Variants in STK32B observed in about 807,000 individuals in gnomAD.
STK32B encodes the protein serine/threonine kinase 32B.
Under a neutral mutation model 52.6 loss-of-function variants are expected in STK32B, and 43 were observed. The ratio of observed to expected loss-of-function variants is 0.82; its 90% CI spans 0.64 to 1.05. The LOEUF is 1.05. Ranked by LOEUF, STK32B falls within the 50% of genes least tolerant of loss-of-function variation. The pLI is 0.00. For synonymous variants in STK32B, 238 were observed against 204.3 expected (o/e 1.17, Z -1.41); for missense variants, 621 against 534.6 (o/e 1.16, Z -1.59).
At chr4:5,169,354 C>T (rs965239871) in intron 3 of STK32B, among the ~76,000 whole-genome samples, 4 of 152,018 alleles carry the variant, frequency 2.6e-5, no homozygotes, top group African/African-American at 4.8e-5. Context: ...GAGGACAGGC[C>T]GCTTTAGGAA....
intron 2 of STK32B, among the ~76,000 whole-genome samples, chr4:5,145,733 A>C (rs528156665): frequency 1.3e-5 from 2 of 152,196 alleles, no homozygotes; most frequent in African/African-American, 4.8e-5. Context: ...TGTGGGATAC[A>C]TATCTGGATA....
At chr4:5,429,998 A>C (rs1433176536) in intron 6 of STK32B, among the ~76,000 whole-genome samples, 2 of 151,656 alleles carry the variant, frequency 1.3e-5, no homozygotes, top group Non-Finnish European at 1.5e-5. Flanking sequence ...CCTTCAGCTG[A>C]CTCCAAGATT....
Position 5,252,432 on chromosome 4 carries a change from A to G in STK32B, c.261-78788A>G, listed in dbSNP as rs28402087. Among the ~76,000 whole-genome samples, 336 of 152,338 alleles carry G rather than the reference A, an allele frequency of 2.2e-3. 1 individual carries two copies. Among genetic ancestry groups the G allele is most frequent in the Non-Finnish European group, 3.7e-3 (253 of 68,030 alleles). ...TGTTCCCATTGAAAGAAGCTGGACC[A>G]TCAGTGGCACCCATTGGAAATGATT... On this transcript the variant is annotated intron_variant, in intron 3 of 11. Coordinates refer to ENST00000282908, the MANE Select transcript of STK32B (RefSeq NM_018401.3).
chr4:5,081,505 G>C (rs1253563572), intron 1 of STK32B, among the ~76,000 whole-genome samples: 1 of 151,930 alleles, frequency 6.6e-6, no homozygotes, highest in Non-Finnish European at 1.5e-5. Context: ...TATTCCCATA[G>C]TCCATCTATT....
chr4:5,178,469 C>T (rs1159047737), intron 3 of STK32B, among the ~76,000 whole-genome samples: 1 of 152,210 alleles, frequency 6.6e-6, no homozygotes, highest in Non-Finnish European at 1.5e-5. Context: ...GACATTTTCC[C>T]CATTGTCTTG....
intron 3 of STK32B, among the ~76,000 whole-genome samples, chr4:5,263,396 T>A (rs1726856225): frequency 6.6e-6 from 1 of 152,178 alleles, no homozygotes; most frequent in Non-Finnish European, 1.5e-5. Context: ...TGTCATCCCA[T>A]GTGTTCCCAT....
chr4:5,474,300 C>T (rs1259256958), intron 11 of STK32B, among the ~76,000 whole-genome samples: 2 of 152,106 alleles, frequency 1.3e-5, no homozygotes, highest in Non-Finnish European at 2.9e-5. Flanking sequence ...ATCTGATGGG[C>T]CTGGGTCAAG....
rs1228362253 is a variant in STK32B, at chr4:5,311,915, T to TATATATATATATATATATATATA, written c.261-19305_261-19304insATATATATATATATATATATATA. Reference sequence around the variant, plus strand: ...AAGTGCATACTTTTATATATATATATTTTTTTTTAAAGTTTATTCTTATTT... The same window carrying TATATATATATATATATATATATA: ...AAGTGCATACTTTTATATATATATATATATATATATATATATATATATATTTTTTTTAAAGTTTATTCTTATTT... On this transcript the variant is annotated intron_variant, in intron 3 of 11. Coordinates refer to ENST00000282908, the MANE Select transcript of STK32B (RefSeq NM_018401.3). Among the ~76,000 whole-genome samples the TATATATATATATATATATATATA allele has an allele frequency of 4.9e-3, 666 of 135,194 alleles. 1 individual carries two copies. Among genetic ancestry groups the TATATATATATATATATATATATA allele is most frequent in the South Asian group, 0.014 (62 of 4,534 alleles). 88.7% of individuals were successfully genotyped at this position (135,194 alleles called of 152,430 possible).
intron 1 of STK32B, among the ~76,000 whole-genome samples, chr4:5,097,110 A>G (rs1192665714): frequency 1.3e-5 from 2 of 152,220 alleles, no homozygotes; most frequent in Non-Finnish European, 2.9e-5. Context: ...CTATTGCTTT[A>G]TGAACGTGAA....
chr4:5,245,008 A>G lies in STK32B; in HGVS notation c.260+76558A>G, dbSNP rs561002900. 5.3e-5 allele frequency among the ~76,000 whole-genome samples: 8 copies of G among 152,264 alleles called. No homozygotes were observed. In the South Asian group the frequency reaches 1.5e-3, roughly 28 times the overall value. On this transcript the variant is annotated intron_variant, in intron 3 of 11. Coordinates refer to ENST00000282908, the MANE Select transcript of STK32B (RefSeq NM_018401.3). ...TGCTTTACTTCCAACTATGTGGTCA[A>G]TTTTGGAATAGGTGTGGTGCTGAAA...
At chr4:5,070,296 A>ATGT (rs1208693100) in intron 1 of STK32B, among the ~76,000 whole-genome samples, 3 of 152,046 alleles carry the variant, frequency 2.0e-5, no homozygotes, top group Non-Finnish European at 4.4e-5. Context: ...TCCTCTTGTC[A>ATGT]TGTTGTTGCT....
chr4:5,385,550 A>G (rs1266315207), intron 4 of STK32B, among the ~76,000 whole-genome samples: 4 of 152,028 alleles, frequency 2.6e-5, no homozygotes, highest in Non-Finnish European at 4.4e-5. Flanking sequence ...GAGGCCAGGC[A>G]TGCTCCGGCA....
At chr4:5,122,138 A>G (rs2108811881) in intron 1 of STK32B, among the ~76,000 whole-genome samples, 1 of 151,136 alleles carries the variant, frequency 6.6e-6, no homozygotes, top group South Asian at 2.1e-4. Context: ...TGTTTCACTC[A>G]CACACTCATT....
At chr4:5,173,881 T>C (rs992794129) in intron 3 of STK32B, among the ~76,000 whole-genome samples, 3 of 152,214 alleles carry the variant, frequency 2.0e-5, no homozygotes, top group Admixed American at 1.3e-4. Flanking sequence ...GTCTCATTGA[T>C]CTGTCTAATG....
intron 3 of STK32B, among the ~76,000 whole-genome samples, chr4:5,317,152 T>C (rs1445254951): frequency 2.5e-5 from 1 of 39,994 alleles, no homozygotes; most frequent in Non-Finnish European, 3.5e-5. Context: ...ATGTATAATA[T>C]ACATATTACA....
intron 3 of STK32B, among the ~76,000 whole-genome samples, chr4:5,210,541 T>C (rs761896446): frequency 1.3e-5 from 2 of 152,194 alleles, no homozygotes; most frequent in Non-Finnish European, 2.9e-5. Flanking sequence ...TGTCCTCTTA[T>C]GGTGTGCATT....
chr4:5,421,091 G>C (rs1042413555), intron 6 of STK32B, among the ~76,000 whole-genome samples: 8 of 149,604 alleles, frequency 5.3e-5, no homozygotes, highest in Non-Finnish European at 1.5e-5. Context: ...TTTTGTTTTT[G>C]TTTTTGTTTT....
chr4:5,227,497 T>C (rs1723958762), intron 3 of STK32B, among the ~76,000 whole-genome samples: 1 of 152,232 alleles, frequency 6.6e-6, no homozygotes, highest in African/African-American at 2.4e-5. Flanking sequence ...GTCTAATTCA[T>C]ATGAGACACA....
intron 3 of STK32B, among the ~76,000 whole-genome samples, chr4:5,324,963 A>C (rs1401257075): frequency 6.6e-6 from 1 of 152,162 alleles, no homozygotes; most frequent in Admixed American, 6.5e-5. Context: ...GGAGAAGCCT[A>C]CTGAGTACTT....
Sources: allele counts gnomAD v4.1 joint callset (sites outside exome capture counted in the v4.1 genomes callset), GRCh38; gene constraint gnomAD v4.1.1; transcripts MANE v1.5; gene names NCBI Gene and HGNC (gene_info 2026-07-23, HGNC 2026-07-21).